The following KCNT2 variants were observed in gnomAD, a reference collection of about 807,000 sequenced individuals.
KCNT2 encodes the protein potassium sodium-activated channel subfamily T member 2.
A neutral mutation model predicts 153.8 loss-of-function variants in KCNT2; 67 were observed. The observed-to-expected ratio is 0.44, with a 90% CI of 0.36 to 0.53. The LOEUF (loss-of-function observed/expected upper bound fraction) is 0.53. Among genes scored for constraint, KCNT2 ranks in the 20% least tolerant of loss-of-function variants. The pLI is 0.00. For missense variants in KCNT2, 975 were observed against 1,354.8 expected (o/e 0.72, Z 4.40); for synonymous variants, 500 against 458.8 (o/e 1.09, Z -1.15).
intron 14 of KCNT2, among the ~76,000 whole-genome samples, chr1:196,361,988 C>T (rs1213548969): frequency 1.3e-5 from 2 of 151,954 alleles, no homozygotes; most frequent in Non-Finnish European, 2.9e-5. Flanking sequence ...TCTATTTTAT[C>T]CACCTAAGGA....
At chr1:196,429,783 T>G in intron 8 of KCNT2, 26 bp from the exon 9 acceptor site, 1 of 1,510,824 alleles carries the variant, frequency 6.6e-7, no homozygotes, top group Non-Finnish European at 9.0e-7. Flanking sequence ...TGCATTACAA[T>G]TAAATCTTTC....
intron 4 of KCNT2, among the ~76,000 whole-genome samples, chr1:196,480,813 A>C (rs979695643): frequency 3.1e-5 from 4 of 127,142 alleles, no homozygotes; most frequent in Admixed American, 1.0e-4. Context: ...CCGAGATCGC[A>C]CCACTGCACT....
intron 14 of KCNT2, among the ~76,000 whole-genome samples, chr1:196,369,608 G>C (rs1182106814): frequency 6.6e-6 from 1 of 151,930 alleles, no homozygotes; most frequent in Non-Finnish European, 1.5e-5. Flanking sequence ...AGTTTACTGA[G>C]AATGATGATT....
chr1:196,574,490 A>G (rs1024940945), intron 1 of KCNT2, among the ~76,000 whole-genome samples: 4 of 151,974 alleles, frequency 2.6e-5, no homozygotes, highest in Admixed American at 1.3e-4. Context: ...AAAACTTGGA[A>G]TCCAGGTTTG....
At chr1:196,238,839 A>G (rs905862153) in intron 26 of KCNT2, among the ~76,000 whole-genome samples, 3 of 151,990 alleles carry the variant, frequency 2.0e-5, no homozygotes, top group Non-Finnish European at 4.4e-5. Flanking sequence ...ATAATAATTA[A>G]AAAAGAATTA....
rs551740000 is a variant in KCNT2 at position 196,227,108 on chromosome 1, T to C, written c.*1116A>G. On this transcript the variant is annotated 3_prime_UTR_variant, in exon 28 of 28. Transcript: ENST00000294725. ...GTTAAAAGCCAAGAACTACCTATTT[T>C]TGTTTTATGCTTTTCTCTCATAATG... 1 of 152,146 alleles carries C rather than the reference T, an allele frequency of 6.6e-6. No homozygotes were observed. The highest frequency in any genetic ancestry group is 2.4e-5 in the African/African-American group (1 of 41,586). The allele number at this position is 152,146 out of a possible 1,614,324, so 9.4% of individuals were successfully genotyped here. A position where few individuals can be genotyped will look rare whatever the true frequency, so the allele number is the denominator to read the frequency against.
chr1:196,407,222 G>A (rs1027212339), intron 12 of KCNT2, among the ~76,000 whole-genome samples: 4 of 151,114 alleles, frequency 2.6e-5, no homozygotes, highest in Admixed American at 6.6e-5. Flanking sequence ...ACATAGTCAC[G>A]ACCACACTAT....
chr1:196,449,255 A>G (rs1342869486), intron 8 of KCNT2, among the ~76,000 whole-genome samples: 1 of 151,700 alleles, frequency 6.6e-6, no homozygotes, highest in African/African-American at 2.4e-5. Flanking sequence ...GCTCATATGA[A>G]ATTCTAATGA....
intron 1 of KCNT2, among the ~76,000 whole-genome samples, chr1:196,572,145 G>C (rs946994255): frequency 6.6e-6 from 1 of 152,054 alleles, no homozygotes; most frequent in Non-Finnish European, 1.5e-5. Flanking sequence ...TAAAATAAGA[G>C]AGTAAGGTAG....
At chr1:196,305,852 T>G (rs980102305) in intron 21 of KCNT2, among the ~76,000 whole-genome samples, 1 of 152,164 alleles carries the variant, frequency 6.6e-6, no homozygotes, top group African/African-American at 2.4e-5. Flanking sequence ...ATAATTTATG[T>G]AAAACTTCAT....
intron 12 of KCNT2, among the ~76,000 whole-genome samples, chr1:196,412,118 C>G (rs1294519439): frequency 6.6e-6 from 1 of 151,650 alleles, no homozygotes; most frequent in Non-Finnish European, 1.5e-5. Flanking sequence ...TTAGGTTAAT[C>G]TTAAACAATT....
intron 23 of KCNT2, among the ~76,000 whole-genome samples, chr1:196,284,248 A>AAAAAAAATATATATATATATATATAT: frequency 1.0e-4 from 1 of 10,048 alleles, no homozygotes; most frequent in African/African-American, 1.4e-4. Context: ...AAAAAAAAAA[A>AAAAAAAATATATATATATATATATAT]ATATATATAT....
In KCNT2 at chr1:196,492,245, T is replaced by G; in HGVS notation, c.175+17A>C. 7.1e-7 allele frequency: 1 copy of G among 1,411,886 alleles called. No individual in the cohort carries two copies. Among genetic ancestry groups the G allele is most frequent in the Non-Finnish European group, 9.4e-7 (1 of 1,066,746 alleles). The allele number at this position is 1,411,886 out of a possible 1,614,324, so 87.5% of individuals were successfully genotyped here. A position where few individuals can be genotyped will look rare whatever the true frequency, so the allele number is the denominator to read the frequency against. On this transcript the variant is annotated intron_variant, in intron 2 of 27. Coordinates refer to ENST00000294725, the MANE Select transcript of KCNT2 (RefSeq NM_198503.5). ...AAATATATGTACGAACAGAGGGGAA[T>G]GAAATGAATAACTTACTTGATCTCT...
intron 8 of KCNT2, among the ~76,000 whole-genome samples, chr1:196,444,861 T>C (rs993060136): frequency 1.3e-5 from 2 of 151,268 alleles, no homozygotes; most frequent in African/African-American, 2.4e-5. Context: ...GCAAATATAT[T>C]TACACTAAAC....
At chr1:196,291,794 C>G (rs142642983) in intron 22 of KCNT2, among the ~76,000 whole-genome samples, 23 of 152,138 alleles carry the variant, frequency 1.5e-4, no homozygotes, top group Non-Finnish European at 3.1e-4. Flanking sequence ...ATTTGGAGAA[C>G]CAGATATCAT....
At chr1:196,422,980 A>G (rs1673338484) in intron 12 of KCNT2, 70 bp downstream of exon 12, 1 of 1,043,704 alleles carries the variant, frequency 9.6e-7, no homozygotes. Context: ...CGAATTTTTA[A>G]AAACTCAAAT....
intron 20 of KCNT2, chr1:196,317,128 C>A: frequency 3.8e-6 from 1 of 262,780 alleles, no homozygotes; most frequent in Non-Finnish European, 8.1e-6. Flanking sequence ...TATGGGAAGG[C>A]GGGAGGCAGG....
chr1:196,290,492 C>T lies in KCNT2; in HGVS notation c.2596-4734G>A, dbSNP rs894083534. Reference sequence around the variant, plus strand: ...CATTTCTTAAGGCTTTACAATTATACATTTATGTGCACAACCTTCAAGTAT... The same window carrying T: ...CATTTCTTAAGGCTTTACAATTATATATTTATGTGCACAACCTTCAAGTAT... On this transcript the variant is annotated intron_variant, in intron 22 of 27. Transcript: ENST00000294725. Among the ~76,000 whole-genome samples the T allele has an allele frequency of 7.9e-5, 12 of 151,670 alleles. 1 individual carries two copies. Among genetic ancestry groups the T allele is most frequent in the Admixed American group, 6.6e-4 (10 of 15,200 alleles).
Position 196,277,517 on chromosome 1 carries a change from TA to T in KCNT2, c.2910+3342del, listed in dbSNP as rs1571880949. Among the ~76,000 whole-genome samples the T allele has an allele frequency of 2.6e-5, 4 of 152,270 alleles. No homozygotes were observed. The East Asian group carries it at 5.8e-4, about 22-fold the overall frequency. On this transcript the variant is annotated intron_variant, in intron 25 of 27. Coordinates refer to ENST00000294725, the MANE Select transcript of KCNT2 (RefSeq NM_198503.5). ...GTCCAGAGGCCACAGACCACTTCCATAGACTAAACCTTTAATATGTGTTTAT... is the reference window on the plus strand; with the variant it reads ...GTCCAGAGGCCACAGACCACTTCCATGACTAAACCTTTAATATGTGTTTAT...
Sources: allele counts gnomAD v4.1 joint callset (sites outside exome capture counted in the v4.1 genomes callset), GRCh38; gene constraint gnomAD v4.1.1; transcripts MANE v1.5; gene names NCBI Gene and HGNC (gene_info 2026-07-23, HGNC 2026-07-21).